MRTFB: variants seen among roughly 807,000 people sequenced by gnomAD.
MRTFB encodes the protein myocardin-related transcription factor B.
In MRTFB, 29 loss-of-function variants were observed where a neutral mutation model predicts 104.2. That is an observed-to-expected ratio of 0.28 (90% CI 0.21 to 0.38). The LOEUF is 0.38. Ranked by LOEUF, MRTFB falls within the 10% of genes least tolerant of loss-of-function variation. The pLI is 1.00. For missense variants in MRTFB, 1,270 were observed against 1,341.6 expected (o/e 0.95, Z 0.83); for synonymous variants, 535 against 519.5 (o/e 1.03, Z -0.41).
At chr16:14,260,354 T>TAAA (rs11334309) in intron 16 of MRTFB, among the ~76,000 whole-genome samples, 45 of 129,284 alleles carry the variant, frequency 3.5e-4, no homozygotes, top group African/African-American at 1.1e-3. Flanking sequence ...ACTGTAATGA[T>TAAA]AAAAAAAAAA....
chr16:14,151,433 T>C (rs2038610393), intron 3 of MRTFB: 1 of 152,190 alleles, frequency 6.6e-6, no homozygotes, highest in Non-Finnish European at 1.5e-5. Flanking sequence ...AATCCAAATA[T>C]ATGTGGACCC....
chr16:14,219,005 T>C lies in MRTFB; in HGVS notation c.693+7T>C, dbSNP rs746436581. On this transcript the variant is annotated splice_region_variant and intron_variant, in intron 8 of 16. Transcript: ENST00000571589. ...TACAAACACTCCAGCGCAGGTATTATCTTTCTGGTTTTGACCCCTAAAGAA... is the reference window on the plus strand; with the variant it reads ...TACAAACACTCCAGCGCAGGTATTACCTTTCTGGTTTTGACCCCTAAAGAA... 1.3e-6 allele frequency: 2 copies of C among 1,596,678 alleles called. No individual in the cohort carries two copies. The highest frequency in any genetic ancestry group is 8.5e-7 in the Non-Finnish European group (1 of 1,169,718).
At chr16:14,079,695 G>A (rs1183004210) in intron 2 of MRTFB, among the ~76,000 whole-genome samples, 2 of 151,838 alleles carry the variant, frequency 1.3e-5, no homozygotes, top group African/African-American at 4.8e-5. Flanking sequence ...CTTAAAATAG[G>A]GAGTTGAAAG....
rs191602760 is a variant in MRTFB, at chr16:14,209,768, G to T, written c.155-475G>T. Among the ~76,000 whole-genome samples, 262 of 151,934 alleles carry T rather than the reference G, an allele frequency of 1.7e-3. 1 individual carries two copies. Among genetic ancestry groups the T allele is most frequent in the African/African-American group, 5.9e-3 (242 of 41,312 alleles). ...TAGAAATTTCCCTTTGAGTCATTAG[G>T]AATATCTCATAGGTCTAATTTTTAT... On this transcript the variant is annotated intron_variant, in intron 3 of 16. Transcript: ENST00000571589.
chr16:14,148,396 A>G (rs4781577), intron 3 of MRTFB, among the ~76,000 whole-genome samples: 22,445 of 152,174 alleles, frequency 0.15, 2,445 homozygotes, highest in East Asian at 0.3. Context: ...AAAAGAGCCT[A>G]ATGAATACAG....
intron 6 of MRTFB, chr16:14,214,982 C>G (rs2151190741): frequency 6.6e-6 from 1 of 152,238 alleles, no homozygotes; most frequent in South Asian, 2.1e-4. Context: ...AGAGCAGCTA[C>G]CAGTCAGGGA....
chr16:14,043,844 G>C, the MRTFB span, among the ~76,000 whole-genome samples: 2 of 152,186 alleles, frequency 1.3e-5, no homozygotes, highest in Non-Finnish European at 2.9e-5. Flanking sequence ...CACGGGGAGA[G>C]GAAATGAGAC....
At chr16:14,071,191 G>A (rs552759246), upstream of MRTFB, 24 of 153,156 alleles carry the variant, frequency 1.6e-4, no homozygotes, top group African/African-American at 5.8e-4. Context: ...GGCGAGCAGC[G>A]AGAGAGGCCG....
chr16:14,001,751 G>A, the MRTFB span, among the ~76,000 whole-genome samples: 3 of 152,174 alleles, frequency 2.0e-5, no homozygotes, highest in East Asian at 3.9e-4. Flanking sequence ...AAGTTCCCTC[G>A]TTGCCATCTG....
At chr16:14,114,056 G>A (rs532949709) in intron 2 of MRTFB, among the ~76,000 whole-genome samples, 1 of 152,310 alleles carries the variant, frequency 6.6e-6, no homozygotes, top group Non-Finnish European at 1.5e-5. Context: ...GATCTTTAGG[G>A]TCAAGTACTA....
chr16:14,119,225 T>C (rs761750250), intron 2 of MRTFB, among the ~76,000 whole-genome samples: 14 of 152,182 alleles, frequency 9.2e-5, no homozygotes, highest in Non-Finnish European at 1.9e-4. Flanking sequence ...AAAGGTGCCA[T>C]ACAGAAAATG....
the MRTFB span, among the ~76,000 whole-genome samples, chr16:14,037,361 G>A: frequency 1.3e-5 from 2 of 152,220 alleles, no homozygotes; most frequent in Non-Finnish European, 2.9e-5. Context: ...GTAGGCGGAG[G>A]TGTCGGAGGG....
At chr16:14,193,022 G>T (rs766888130) in intron 3 of MRTFB, among the ~76,000 whole-genome samples, 3 of 151,958 alleles carry the variant, frequency 2.0e-5, no homozygotes, top group Middle Eastern at 3.4e-3. Flanking sequence ...GCCCTGTCCA[G>T]GTCCCCTTTA....
At chr16:14,153,355 C>G (rs1344445961) in intron 3 of MRTFB, 2 of 152,106 alleles carry the variant, frequency 1.3e-5, no homozygotes, top group East Asian at 3.8e-4. Context: ...TTTTTTATCT[C>G]TGTATATTTG....
intron 10 of MRTFB, 48 bp downstream of exon 10, chr16:14,240,532 T>C (rs1400876145): frequency 1.2e-6 from 2 of 1,614,018 alleles, no homozygotes; most frequent in Non-Finnish European, 1.7e-6. Context: ...TCTGTGGTTT[T>C]TTATGAGGAA....
chr16:14,083,538 G>A (rs1420058965), intron 2 of MRTFB, among the ~76,000 whole-genome samples: 1 of 152,176 alleles, frequency 6.6e-6, no homozygotes, highest in Admixed American at 6.5e-5. Flanking sequence ...GGGTTTTACT[G>A]TGTTGGGCCT....
At chr16:14,023,610 CATACATATACATATACAT>C in the MRTFB span, among the ~76,000 whole-genome samples, 2 of 106,910 alleles carry the variant, frequency 1.9e-5, no homozygotes, top group African/African-American at 3.7e-5. Flanking sequence ...CACACACACA[CATACATATACATATACAT>C]ATACATATAC....
chr16:14,145,289 G>A (rs1196242942), intron 3 of MRTFB, among the ~76,000 whole-genome samples: 1 of 151,712 alleles, frequency 6.6e-6, no homozygotes, highest in Non-Finnish European at 1.5e-5. Flanking sequence ...GATTTTTTTG[G>A]TGATTGTGTT....
At chr16:14,135,931 A>G (rs2037694705) in intron 2 of MRTFB, among the ~76,000 whole-genome samples, 1 of 152,122 alleles carries the variant, frequency 6.6e-6, no homozygotes, top group South Asian at 2.1e-4. Flanking sequence ...ATCCTTGAAG[A>G]CTTCCCTAAC....
Sources: allele counts gnomAD v4.1 joint callset (sites outside exome capture counted in the v4.1 genomes callset), GRCh38; gene constraint gnomAD v4.1.1; transcripts MANE v1.5; gene names NCBI Gene and HGNC (gene_info 2026-07-23, HGNC 2026-07-21).